Variants in CLSTN2 observed in about 807,000 individuals in gnomAD.
CLSTN2 encodes calsyntenin 2, also known as calsyntenin-2.
Under a neutral mutation model 101.2 loss-of-function variants are expected in CLSTN2, and 48 were observed. The ratio of observed to expected loss-of-function variants is 0.47; its 90% CI spans 0.38 to 0.60. CLSTN2 has a LOEUF of 0.60. Among genes scored for constraint, CLSTN2 ranks in the 20% least tolerant of loss-of-function variants. The pLI is 0.00. For missense variants in CLSTN2, 1,160 were observed against 1,238.2 expected (o/e 0.94, Z 0.95); for synonymous variants, 481 against 463.6 (o/e 1.04, Z -0.48).
intron 8 of CLSTN2, among the ~76,000 whole-genome samples, chr3:140,517,405 T>C (rs1447188616): frequency 6.6e-6 from 1 of 152,200 alleles, no homozygotes; most frequent in African/African-American, 2.4e-5. Context: ...TTTTGTTATG[T>C]TACCAGAATT....
chr3:140,224,200 C>G (rs1419559046), intron 2 of CLSTN2, among the ~76,000 whole-genome samples: 1 of 152,230 alleles, frequency 6.6e-6, no homozygotes, highest in Non-Finnish European at 1.5e-5. Context: ...AAGCCCCAGC[C>G]TGGCCCCCTC....
chr3:140,211,400 A>ACACACACACACACACG (rs1321747203), intron 2 of CLSTN2, among the ~76,000 whole-genome samples: 6 of 144,522 alleles, frequency 4.2e-5, no homozygotes, highest in Non-Finnish European at 6.0e-5. Flanking sequence ...TTGGTAATTC[A>ACACACACACACACACG]CACACACACA....
chr3:140,141,134 G>A (rs1282796144), intron 1 of CLSTN2, among the ~76,000 whole-genome samples: 3 of 152,186 alleles, frequency 2.0e-5, no homozygotes, highest in African/African-American at 4.8e-5. Flanking sequence ...AGAGAAAGAG[G>A]TATTCTATGT....
rs1325047670 is a variant in CLSTN2 at position 140,240,184 on chromosome 3, A to C, written c.232+64111A>C. On this transcript the variant is annotated intron_variant, in intron 2 of 16. Transcript: ENST00000458420. ...TCTCTCTCTCTCTCTCTATATATAT[A>C]TATATATATATATATACACACACAC... is the stretch of plus-strand genomic sequence containing the variant. Among the ~76,000 whole-genome samples the C allele has an allele frequency of 5.2e-3, 48 of 9,226 alleles. 2 individuals carry two copies. In the East Asian group the frequency reaches 0.16, roughly 30 times the overall value. 6.1% of individuals were successfully genotyped at this position (9,226 alleles called of 152,430 possible).
intron 1 of CLSTN2, among the ~76,000 whole-genome samples, chr3:139,950,572 A>G (rs1254688460): frequency 1.3e-5 from 2 of 152,240 alleles, no homozygotes; most frequent in Non-Finnish European, 2.9e-5. Flanking sequence ...CAGGATGGAT[A>G]ACGGAAATAA....
intron 1 of CLSTN2, among the ~76,000 whole-genome samples, chr3:140,042,747 C>A (rs2007787427): frequency 6.6e-6 from 1 of 152,152 alleles, no homozygotes; most frequent in Admixed American, 6.5e-5. Flanking sequence ...TTGTTCAATT[C>A]CCACCTATGA....
chr3:140,144,378 C>T (rs552775715), intron 1 of CLSTN2, among the ~76,000 whole-genome samples: 100 of 152,194 alleles, frequency 6.6e-4, no homozygotes, highest in Non-Finnish European at 7.9e-4. Flanking sequence ...GAGGCCAAGG[C>T]GGGTGGATCG....
At chr3:140,532,166 T>C (rs1224949183) in intron 8 of CLSTN2, among the ~76,000 whole-genome samples, 158 bp from the exon 9 acceptor site, 1 of 152,234 alleles carries the variant, frequency 6.6e-6, no homozygotes, top group African/African-American at 2.4e-5. Flanking sequence ...GACAAGCTTC[T>C]ATAACTTCAG....
intron 2 of CLSTN2, among the ~76,000 whole-genome samples, chr3:140,245,425 A>G (rs1002585205): frequency 6.6e-6 from 1 of 152,164 alleles, no homozygotes; most frequent in Non-Finnish European, 1.5e-5. Context: ...TGAAAGAGAG[A>G]CAGATAAAGG....
At chr3:140,200,144 G>C (rs1312989523) in intron 2 of CLSTN2, among the ~76,000 whole-genome samples, 6 of 152,156 alleles carry the variant, frequency 3.9e-5, no homozygotes, top group Admixed American at 3.9e-4. Context: ...GGCAGGGGCT[G>C]TATGAACCAG....
rs750088450 is a variant in CLSTN2, at chr3:140,311,287, CTTTTTTTTTTTTTTTTT to C, written c.233-92322_233-92306del. Among the ~76,000 whole-genome samples, 187 of 52,070 alleles carry C rather than the reference CTTTTTTTTTTTTTTTTT, an allele frequency of 3.6e-3. 1 individual carries two copies. Among genetic ancestry groups the C allele is most frequent in the East Asian group, 0.022 (28 of 1,290 alleles). 34.2% of individuals were successfully genotyped at this position (52,070 alleles called of 152,430 possible). A position where few individuals can be genotyped will look rare whatever the true frequency, so the allele number is the denominator to read the frequency against. On this transcript the variant is annotated intron_variant, in intron 2 of 16. Coordinates refer to ENST00000458420, the MANE Select transcript of CLSTN2 (RefSeq NM_022131.3). ...ATAATAACAGCTAAGGTTTATTATC[CTTTTTTTTTTTTTTTTT>C]TTTTTTTTTTTTTTTTTTTGAGACA...
intron 6 of CLSTN2, among the ~76,000 whole-genome samples, chr3:140,456,409 C>T (rs186848856): frequency 6.6e-6 from 1 of 152,302 alleles, no homozygotes; most frequent in African/African-American, 2.4e-5. Flanking sequence ...AACTAAAAAG[C>T]ATGTGTAAGG....
At chr3:139,955,801 AG>A (rs1275161568) in intron 1 of CLSTN2, among the ~76,000 whole-genome samples, 1 of 152,206 alleles carries the variant, frequency 6.6e-6, no homozygotes, top group Non-Finnish European at 1.5e-5. Flanking sequence ...AAGGATGGAT[AG>A]GGGACATTCG....
chr3:140,036,274 A>G (rs2007650824), intron 1 of CLSTN2, among the ~76,000 whole-genome samples: 1 of 152,130 alleles, frequency 6.6e-6, no homozygotes, highest in Admixed American at 6.6e-5. Context: ...GTTCTGTATC[A>G]TTTTTTAGAA....
At chr3:140,372,400 G>A (rs1285539858) in intron 2 of CLSTN2, among the ~76,000 whole-genome samples, 1 of 152,158 alleles carries the variant, frequency 6.6e-6, no homozygotes, top group African/African-American at 2.4e-5. Flanking sequence ...CCACCTTCCT[G>A]GTTAGGTATT....
intron 1 of CLSTN2, among the ~76,000 whole-genome samples, chr3:140,125,300 G>A (rs1314744532): frequency 6.6e-6 from 1 of 152,078 alleles, no homozygotes; most frequent in Non-Finnish European, 1.5e-5. Context: ...ACTTATATGT[G>A]AAAAAATTGT....
chr3:140,429,865 C>T (rs2088610254), intron 5 of CLSTN2, among the ~76,000 whole-genome samples: 1 of 152,102 alleles, frequency 6.6e-6, no homozygotes, highest in South Asian at 2.1e-4. Flanking sequence ...ACAAAGGTGG[C>T]AGTTGGGCGT....
chr3:140,286,575 C>T (rs780989146), intron 2 of CLSTN2, among the ~76,000 whole-genome samples: 16 of 152,156 alleles, frequency 1.1e-4, no homozygotes, highest in Non-Finnish European at 1.8e-4. Flanking sequence ...ACCATAGATA[C>T]GATGTATACC....
chr3:140,453,466 C>G (rs1933300221), intron 6 of CLSTN2, among the ~76,000 whole-genome samples: 1 of 152,172 alleles, frequency 6.6e-6, no homozygotes, highest in Admixed American at 6.5e-5. Context: ...CAACAAATAT[C>G]TGTTGAGTAC....
Sources: gnomAD v4.1 joint callset for allele counts (sites outside exome capture counted in the v4.1 genomes callset) on GRCh38, gnomAD v4.1.1 for gene constraint, MANE v1.5 for transcripts, NCBI Gene and HGNC (gene_info 2026-07-23, HGNC 2026-07-21) for gene names.